The following MCPH1 variants were observed in gnomAD, a reference collection of about 807,000 sequenced individuals.
MCPH1 encodes the protein microcephalin 1, also known as microcephalin.
Under a neutral mutation model 84.5 loss-of-function variants are expected in MCPH1, and 104 were observed. That is an observed-to-expected ratio of 1.23 (90% CI 1.05 to 1.45). MCPH1 has a LOEUF of 1.45. Ranked by LOEUF, MCPH1 falls within the 40% of genes most tolerant of loss-of-function variation. The pLI, the probability that MCPH1 is intolerant of heterozygous loss-of-function variation, is 0.00. For synonymous variants in MCPH1, 514 were observed against 366.8 expected, an observed-to-expected ratio of 1.40 and a Z score of -4.58; for missense variants, 1,498 against 1,005.7, an observed-to-expected ratio of 1.49 and a Z score of -6.62.
intron 11 of MCPH1, among the ~76,000 whole-genome samples, chr8:6,496,084 A>T (rs1001590694): frequency 6.6e-6 from 1 of 152,172 alleles, no homozygotes; most frequent in African/African-American, 2.4e-5. Flanking sequence ...TTATTATTAC[A>T]TTGTAATATA....
intron 12 of MCPH1, among the ~76,000 whole-genome samples, chr8:6,592,214 G>T (rs976465316): frequency 4.6e-5 from 7 of 152,028 alleles, no homozygotes; most frequent in African/African-American, 1.4e-4. Flanking sequence ...GTGCAATGGG[G>T]TGATCCTGGC....
intron 9 of MCPH1, among the ~76,000 whole-genome samples, chr8:6,470,745 A>G (rs531156402): frequency 6.6e-6 from 1 of 152,388 alleles, no homozygotes; most frequent in East Asian, 1.9e-4. Context: ...TGCCACAGGA[A>G]TCAGAGGCTG....
chr8:6,491,852 A>G (rs879640208), intron 11 of MCPH1, among the ~76,000 whole-genome samples: 1 of 152,192 alleles, frequency 6.6e-6, no homozygotes, highest in African/African-American at 2.4e-5. Context: ...TATATGTGCC[A>G]CATTTTCTTA....
intron 11 of MCPH1, among the ~76,000 whole-genome samples, chr8:6,492,121 C>T (rs1810672396): frequency 6.6e-6 from 1 of 152,354 alleles, no homozygotes; most frequent in Middle Eastern, 3.4e-3. Context: ...TATTTCTCCA[C>T]ATCCTCTCCA....
intron 1 of MCPH1, among the ~76,000 whole-genome samples, chr8:6,407,960 C>T (rs1368765389): frequency 1.3e-5 from 2 of 152,156 alleles, no homozygotes; most frequent in East Asian, 1.9e-4. Flanking sequence ...GAACACAGGC[C>T]GGCCCGTTAA....
chr8:6,619,931 A>C (rs1414111449), intron 12 of MCPH1, among the ~76,000 whole-genome samples: 1 of 152,196 alleles, frequency 6.6e-6, no homozygotes. Flanking sequence ...TCCTACTTTA[A>C]AATGAAAGAT....
chr8:6,586,120 CCACGCTTTCTGATTTTTTTTTGTAGAGA>C (rs1827961008), intron 12 of MCPH1, among the ~76,000 whole-genome samples: 2 of 152,094 alleles, frequency 1.3e-5, no homozygotes, highest in African/African-American at 4.8e-5. Context: ...GCCACCATGC[CCACGCTTTCTGATTTTTTTTTGTAGAGA>C]CAGAGTCTCT....
chr8:6,645,795 A>G lies in MCPH1; in HGVS notation c.*2746A>G, dbSNP rs1247478995. The G allele has an allele frequency of 1.3e-5, 2 of 152,140 alleles. No homozygotes were observed. Among genetic ancestry groups the G allele is most frequent in the Non-Finnish European group, 2.9e-5 (2 of 68,004 alleles). The allele number at this position is 152,140 out of a possible 1,614,324, so 9.4% of individuals were successfully genotyped here. A position where few individuals can be genotyped will look rare whatever the true frequency, so the allele number is the denominator to read the frequency against. On this transcript the variant is annotated 3_prime_UTR_variant, in exon 14 of 14. Coordinates refer to ENST00000344683, the MANE Select transcript of MCPH1 (RefSeq NM_024596.5). ...CATTTAAAATTGCATCTAAAAATAA[A>G]CAAAATAGGAATAGACTTGGCAACA...
At chr8:6,410,621 C>G (rs889068239) in intron 2 of MCPH1, among the ~76,000 whole-genome samples, 3 of 152,172 alleles carry the variant, frequency 2.0e-5, no homozygotes, top group Non-Finnish European at 2.9e-5. Flanking sequence ...GCACACTAAA[C>G]CGATCACTTT....
rs200902728 is a variant in MCPH1 at position 6,644,004 on chromosome 8, C to T, written c.*955C>T. The T allele has an allele frequency of 6.6e-6, 1 of 152,148 alleles. No homozygotes were observed. Among genetic ancestry groups the T allele is most frequent in the Non-Finnish European group, 1.5e-5 (1 of 68,070 alleles). 9.4% of individuals were successfully genotyped at this position (152,148 alleles called of 1,614,324 possible). ...GGTGGCTCACACCTGTCATCCCAGC[C>T]CTTTGGGAGGCTGAGGTGGACAGAT... On this transcript the variant is annotated 3_prime_UTR_variant, in exon 14 of 14. Coordinates refer to ENST00000344683, the MANE Select transcript of MCPH1 (RefSeq NM_024596.5).
intron 12 of MCPH1, among the ~76,000 whole-genome samples, chr8:6,582,937 G>C (rs1827674996): frequency 6.6e-6 from 1 of 152,078 alleles, no homozygotes; most frequent in Non-Finnish European, 1.5e-5. Flanking sequence ...AGTCTTCTCT[G>C]GGCCACGATG....
chr8:6,628,024 C>G (rs1796873257), intron 13 of MCPH1, among the ~76,000 whole-genome samples: 1 of 152,094 alleles, frequency 6.6e-6, no homozygotes, highest in Non-Finnish European at 1.5e-5. Context: ...AAATGAATTT[C>G]TAAGCACTCC....
At chr8:6,602,639 C>G (rs1003122002) in intron 12 of MCPH1, among the ~76,000 whole-genome samples, 3 of 152,158 alleles carry the variant, frequency 2.0e-5, no homozygotes, top group African/African-American at 7.2e-5. Flanking sequence ...TTCCTGGTCA[C>G]CCTTTGTTGT....
intron 12 of MCPH1, among the ~76,000 whole-genome samples, chr8:6,524,196 T>A (rs1039462782): frequency 1.3e-5 from 2 of 152,182 alleles, no homozygotes; most frequent in Non-Finnish European, 2.9e-5. Flanking sequence ...GACCTCATAT[T>A]CCCTTTTTTG....
intron 12 of MCPH1, chr8:6,618,464 T>G (rs961926925): frequency 6.6e-6 from 1 of 152,230 alleles, no homozygotes; most frequent in Admixed American, 6.5e-5. Flanking sequence ...ACAAAAAGGT[T>G]TATTTACTGC....
At chr8:6,636,216 T>C (rs570544672) in intron 13 of MCPH1, among the ~76,000 whole-genome samples, 2 of 152,102 alleles carry the variant, frequency 1.3e-5, no homozygotes, top group African/African-American at 2.4e-5. Flanking sequence ...GGCACATGCA[T>C]GTAGTCCCAG....
At chr8:6,424,749 TC>T in intron 3 of MCPH1, among the ~76,000 whole-genome samples, 1 of 152,314 alleles carries the variant, frequency 6.6e-6, no homozygotes, top group South Asian at 2.1e-4. Context: ...TGAGTTAACT[TC>T]CTACGGTTAT....
intron 12 of MCPH1, chr8:6,514,679 C>G (rs776252598): frequency 1.2e-6 from 2 of 1,613,728 alleles, no homozygotes. Context: ...GTCCTTACCA[C>G]TTTATATTCT....
At chr8:6,539,447 G>A (rs1433794039) in intron 12 of MCPH1, among the ~76,000 whole-genome samples, 1 of 152,086 alleles carries the variant, frequency 6.6e-6, no homozygotes, top group African/African-American at 2.4e-5. Context: ...TTCCTAGTGG[G>A]TATTGTGACT....
Sources: gnomAD v4.1 joint callset for allele counts (sites outside exome capture counted in the v4.1 genomes callset) on GRCh38, gnomAD v4.1.1 for gene constraint, MANE v1.5 for transcripts, NCBI Gene and HGNC (gene_info 2026-07-23, HGNC 2026-07-21) for gene names.